Variants in RLIG1 observed in about 807,000 individuals in gnomAD.
The protein encoded by RLIG1 is RNA 5'-phosphate and 3'-OH ligase 1, also known as RNA ligase 1.
At chr12:88,037,915 A>T in the RLIG1 span, among the ~76,000 whole-genome samples, 2 of 152,196 alleles carry the variant, frequency 1.3e-5, no homozygotes, top group African/African-American at 4.8e-5. Context: ...CCTTTTCCTC[A>T]TCCTTGGTGC....
the RLIG1 span, chr12:88,049,529 C>G: frequency 1.6e-6 from 1 of 644,072 alleles, no homozygotes; most frequent in South Asian, 2.0e-5. Flanking sequence ...TGGTCAAATA[C>G]AGCAATAAAG....
At chr12:88,035,870 C>A in the RLIG1 span, 1 of 1,513,760 alleles carries the variant, frequency 6.6e-7, no homozygotes, top group Non-Finnish European at 8.8e-7. Flanking sequence ...CTGTAGGTTT[C>A]CCTGGGGAGG....
the RLIG1 span, chr12:88,049,114 C>G: frequency 1.1e-6 from 1 of 885,974 alleles, no homozygotes; most frequent in Non-Finnish European, 1.7e-6. Flanking sequence ...CGGAGAACTG[C>G]TTATTTCCAA....
At chr12:88,043,783 C>A in the RLIG1 span, 1 of 1,087,502 alleles carries the variant, frequency 9.2e-7, no homozygotes, top group Non-Finnish European at 1.4e-6. Flanking sequence ...TCCATTCAAT[C>A]AGAAATTACA....
At chr12:88,035,933 AGT>A in the RLIG1 span, 1 of 1,518,058 alleles carries the variant, frequency 6.6e-7, no homozygotes. Context: ...TACTTTTCTT[AGT>A]TGTGAGGGAG....
At chr12:88,035,741 A>T in the RLIG1 span, 1 of 1,592,292 alleles carries the variant, frequency 6.3e-7, no homozygotes, top group Non-Finnish European at 8.6e-7. Context: ...AGCATCAGGT[A>T]CGGAGGAGCG....
the RLIG1 span, chr12:88,040,203 T>C: frequency 1.2e-6 from 2 of 1,611,136 alleles, no homozygotes; most frequent in Non-Finnish European, 1.7e-6. Flanking sequence ...GATGCAGATA[T>C]ATACAGTGCA....
the RLIG1 span, among the ~76,000 whole-genome samples, chr12:88,043,381 TA>T: frequency 6.6e-6 from 1 of 152,140 alleles, no homozygotes; most frequent in Non-Finnish European, 1.5e-5. Context: ...GTTTGACTGT[TA>T]AATACTGTAT....
chr12:88,040,354 A>G, the RLIG1 span: 4 of 733,496 alleles, frequency 5.5e-6, no homozygotes, highest in South Asian at 2.1e-5. Context: ...TTTGCTCTTC[A>G]TAAACACTTG....
the RLIG1 span, chr12:88,045,084 T>G: frequency 6.5e-6 from 1 of 153,666 alleles, no homozygotes; most frequent in Non-Finnish European, 1.4e-5. Context: ...TACAGTAATC[T>G]AGTGTGAGTA....
the RLIG1 span, chr12:88,042,870 A>C: frequency 6.4e-7 from 1 of 1,570,888 alleles, no homozygotes. Flanking sequence ...CCCAACAAAC[A>C]AGCTGAAAAA....
At chr12:88,038,177 C>T in the RLIG1 span, among the ~76,000 whole-genome samples, 218 of 152,212 alleles carry the variant, frequency 1.4e-3, no homozygotes, top group African/African-American at 4.6e-3. Context: ...CTGAAGTATA[C>T]GGTATAACAT....
chr12:88,042,954 GC>G, the RLIG1 span: 1 of 1,342,856 alleles, frequency 7.4e-7, no homozygotes, highest in Non-Finnish European at 1.0e-6. Context: ...TGTTTAAATA[GC>G]TGAAATTTGT....
the RLIG1 span, among the ~76,000 whole-genome samples, chr12:88,039,452 T>C: frequency 7.2e-5 from 11 of 152,216 alleles, no homozygotes; most frequent in African/African-American, 2.7e-4. Flanking sequence ...GAAGCACTTA[T>C]GAAGTTTAAG....
chr12:88,049,111 C>T, the RLIG1 span: 1 of 838,038 alleles, frequency 1.2e-6, no homozygotes. Flanking sequence ...GTTCGGAGAA[C>T]TGCTTATTTC....
At chr12:88,044,824 A>C in the RLIG1 span, 1 of 152,214 alleles carries the variant, frequency 6.6e-6, no homozygotes, top group Non-Finnish European at 1.5e-5. Flanking sequence ...ATTTTATGTA[A>C]CACTTTATTG....
chr12:88,038,817 C>G, the RLIG1 span, among the ~76,000 whole-genome samples: 6 of 152,104 alleles, frequency 3.9e-5, no homozygotes, highest in African/African-American at 1.4e-4. Context: ...GACAGAGATG[C>G]AAGCTCTGTG....
the RLIG1 span, chr12:88,048,310 T>C: frequency 3.7e-6 from 6 of 1,606,616 alleles, no homozygotes; most frequent in East Asian, 1.3e-4. Context: ...ATTATCAACA[T>C]GAACCTGAAC....
chr12:88,048,417 G>A, the RLIG1 span: 3 of 1,368,210 alleles, frequency 2.2e-6, no homozygotes, highest in East Asian at 2.5e-5. Context: ...AATATTTGAT[G>A]TATAAAATGC....
Sources: allele counts gnomAD v4.1 joint callset (sites outside exome capture counted in the v4.1 genomes callset), GRCh38; gene constraint gnomAD v4.1.1; transcripts MANE v1.5; gene names NCBI Gene and HGNC (gene_info 2026-07-23, HGNC 2026-07-21).